Variants in MLPH observed in about 807,000 individuals in gnomAD.
The protein encoded by MLPH is melanophilin.
A neutral mutation model predicts 72.1 loss-of-function variants in MLPH; 51 were observed. The ratio of observed to expected loss-of-function variants is 0.71; its 90% CI spans 0.56 to 0.89. The LOEUF is 0.89. MLPH is among the 40% of genes least tolerant of loss of function. The pLI is 0.00. For missense variants in MLPH, 743 were observed against 759.9 expected (o/e 0.98, Z 0.26); for synonymous variants, 301 against 310.1 (o/e 0.97, Z 0.31).
chr2:237,553,515 A>G, intron 15 of MLPH, 51 bp from the exon 16 acceptor site: 1 of 1,568,336 alleles, frequency 6.4e-7, no homozygotes. Flanking sequence ...TCTGTGTTAC[A>G]TGCCTGTGTA....
intron 12 of MLPH, chr2:237,545,563 G>A (rs114851412): frequency 0.03 from 38,618 of 1,288,260 alleles, 681 homozygotes; most frequent in Non-Finnish European, 0.035. Context: ...GCCTCATGTG[G>A]AAATCCTTAG....
chr2:237,542,629 G>A lies in MLPH; in HGVS notation c.1509G>A (p.Ser503=), dbSNP rs201166379. The A allele has an allele frequency of 6.7e-5, 107 of 1,597,770 alleles. 1 individual carries two copies. The Middle Eastern group carries it at 1.0e-3, about 15-fold the overall frequency. Residue 503 remains serine, a synonymous_variant, in exon 12 of 16, where the codon TCG becomes TCA. Coordinates refer to ENST00000264605, the MANE Select transcript of MLPH (RefSeq NM_024101.7). ...CCGCAGGGCTCACGGTGAAGCCCTC[G>A]GGAAAGCCCCGGAGGAAGTCAAACC... ...LRAAGLTVKP[S]GKPRRKSNLP...
intron 7 of MLPH, among the ~76,000 whole-genome samples, chr2:237,526,405 C>T (rs1291538468): frequency 3.3e-5 from 5 of 152,056 alleles, no homozygotes; most frequent in East Asian, 3.9e-4. Context: ...CAAGTGGCTG[C>T]GTGCGGGAAA....
At chr2:237,553,543 G>A (rs777064381) in intron 15 of MLPH, 23 bp from the exon 16 acceptor site, 1 of 1,612,662 alleles carries the variant, frequency 6.2e-7, no homozygotes, top group Non-Finnish European at 8.5e-7. Flanking sequence ...GCTTATATGT[G>A]CATGTGTGTT....
intron 8 of MLPH, among the ~76,000 whole-genome samples, chr2:237,530,559 T>G (rs1332416300): frequency 6.6e-6 from 1 of 152,182 alleles, no homozygotes; most frequent in Non-Finnish European, 1.5e-5. Flanking sequence ...ATCTGGAAGC[T>G]TCCTCAACCC....
Position 237,507,062 on chromosome 2 carries a change from C to CTT in MLPH, c.111-3492_111-3491dup, listed in dbSNP as rs61091364. Among the ~76,000 whole-genome samples, 624 of 94,488 alleles carry CTT rather than the reference C, an allele frequency of 6.6e-3. 10 individuals carry two copies. The highest frequency in any genetic ancestry group is 0.015 in the East Asian group (48 of 3,190). The allele number at this position is 94,488 out of a possible 152,430, so 62.0% of individuals were successfully genotyped here. On this transcript the variant is annotated intron_variant, in intron 2 of 15. Coordinates refer to ENST00000264605, the MANE Select transcript of MLPH (RefSeq NM_024101.7). ...TTTTTTTCCTTTTTCTTTTTTTTTTCTTTTTTTTTTTTTTTTTTTTTGAGA... is the reference window on the plus strand; with the variant it reads ...TTTTTTTCCTTTTTCTTTTTTTTTTCTTTTTTTTTTTTTTTTTTTTTTTGAGA...
intron 14 of MLPH, chr2:237,551,961 G>A (rs753484146): frequency 9.9e-6 from 2 of 202,484 alleles, no homozygotes; most frequent in African/African-American, 2.5e-5. Flanking sequence ...CTGGGTGACA[G>A]AGCAAGACTT....
rs183201985 is a variant in MLPH at position 237,510,425 on chromosome 2, G to A, written c.111-149G>A. On this transcript the variant is annotated intron_variant, in intron 2 of 15. Coordinates refer to ENST00000264605, the MANE Select transcript of MLPH (RefSeq NM_024101.7). The surrounding 1 kb of genome is among the most constrained non-coding windows in gnomAD (Gnocchi z 4.4). ...AGATGCCTGTGTGGCTTTGCCCAAC[G>A]TTGGGTCACTGTTTTCTGCATAGGA... The A allele has an allele frequency of 3.3e-5, 28 of 853,432 alleles. No homozygotes were observed. The highest frequency in any genetic ancestry group is 3.0e-4 in the Middle Eastern group (1 of 3,370). The allele number at this position is 853,432 out of a possible 1,614,324, so 52.9% of individuals were successfully genotyped here.
At chr2:237,518,329 G>T (rs557124579) in intron 4 of MLPH, 8 of 655,570 alleles carry the variant, frequency 1.2e-5, no homozygotes, top group Non-Finnish European at 2.8e-6. Context: ...GTGAATAGAT[G>T]AATAGATTGA....
intron 15 of MLPH, among the ~76,000 whole-genome samples, 183 bp from the exon 16 acceptor site, chr2:237,553,383 C>T (rs565831132): frequency 6.6e-6 from 1 of 152,324 alleles, no homozygotes; most frequent in African/African-American, 2.4e-5. Context: ...GGTTCCCTGC[C>T]TCCAGACCCT....
intron 8 of MLPH, among the ~76,000 whole-genome samples, chr2:237,532,859 A>T (rs2080449900): frequency 6.6e-6 from 1 of 152,256 alleles, no homozygotes. Flanking sequence ...GGAAGAAGAC[A>T]GATTTATTCT....
intron 14 of MLPH, among the ~76,000 whole-genome samples, chr2:237,549,748 C>G (rs1461534983): frequency 6.6e-6 from 1 of 152,186 alleles, no homozygotes; most frequent in East Asian, 1.9e-4. Context: ...CCAACCACTG[C>G]TCACCAGAGG....
intron 15 of MLPH, chr2:237,553,210 T>G (rs1275511889): frequency 2.0e-6 from 1 of 488,398 alleles, no homozygotes; most frequent in Admixed American, 2.3e-5. Flanking sequence ...TCTGGTTGGT[T>G]GCGGGAGGGG....
rs376921003 is a variant in MLPH, at chr2:237,525,635, C to A, written c.710C>A (p.Ala237Asp). 4.0e-5 allele frequency: 64 copies of A among 1,614,152 alleles called. No individual in the cohort carries two copies. The Admixed American group carries it at 5.0e-4, about 13-fold the overall frequency. Residue 237 changes from alanine to aspartate, a missense_variant, in exon 7 of 16, where the codon GCC (alanine) becomes GAC (aspartate). Ala to Asp is a moderately radical substitution (Grantham distance 126, BLOSUM62 -2). Coordinates refer to ENST00000264605, the MANE Select transcript of MLPH (RefSeq NM_024101.7). The stretch of plus-strand genomic sequence containing the variant: ...GATGAGTCCTGCTCAGAGAAGGCAG[C>A]CCCTCACAAGGCTGAGGGCCTGGAG... ...LTDESCSEKA[A>D]PHKAEGLEEA...
intron 2 of MLPH, 23 bp downstream of exon 2, chr2:237,493,559 A>G (rs749560273): frequency 1.9e-6 from 3 of 1,593,634 alleles, no homozygotes. Flanking sequence ...TGCTGAGCCC[A>G]CGGAGCCCGG....
intron 2 of MLPH, among the ~76,000 whole-genome samples, chr2:237,503,607 T>C (rs1289137848): frequency 6.6e-6 from 1 of 152,176 alleles, no homozygotes. Flanking sequence ...ATCCTGTGAC[T>C]CACTGGATCT....
intron 1 of MLPH, among the ~76,000 whole-genome samples, chr2:237,492,608 G>A (rs1356094518): frequency 6.6e-6 from 1 of 152,130 alleles, no homozygotes; most frequent in African/African-American, 2.4e-5. Flanking sequence ...CTGACCTCTC[G>A]AGTAAATAAA....
chr2:237,525,735 C>T lies in MLPH; in HGVS notation c.810C>T (p.His270=), dbSNP rs747826191. 6.5e-5 allele frequency: 105 copies of T among 1,614,066 alleles called. 1 individual carries two copies. The highest frequency in any genetic ancestry group is 4.1e-4 in the South Asian group (37 of 91,086). The change falls in exon 7 of 16, where the codon CAC becomes CAT. Residue 270 remains histidine, a synonymous_variant. Coordinates refer to ENST00000264605, the MANE Select transcript of MLPH (RefSeq NM_024101.7). The part of the protein sequence containing the change: ...EQPTSISPSR[H]GALAELCPPG... Reference sequence around the variant, plus strand: ...CGACCAGCATCTCACCTTCCAGACACGGCGCCCTGGCTGAGCTCTGCCCGC... The same window carrying T: ...CGACCAGCATCTCACCTTCCAGACATGGCGCCCTGGCTGAGCTCTGCCCGC...
intron 14 of MLPH, among the ~76,000 whole-genome samples, chr2:237,550,750 C>T (rs1173024154): frequency 2.0e-5 from 3 of 152,048 alleles, no homozygotes; most frequent in African/African-American, 4.8e-5. Context: ...GTTTTCACCA[C>T]GTTGGCCAGG....
Sources: gnomAD v4.1 joint callset for allele counts (sites outside exome capture counted in the v4.1 genomes callset) on GRCh38, gnomAD v4.1.1 for gene constraint, Gnocchi (gnomAD v3.1) non-coding constraint, MANE v1.5 for transcripts, NCBI Gene and HGNC (gene_info 2026-07-23, HGNC 2026-07-21) for gene names.